Variants in HPSE2 observed in about 807,000 individuals in gnomAD.
HPSE2 encodes heparanase 2 (inactive).
Under a neutral mutation model 60.5 loss-of-function variants are expected in HPSE2, and 38 were observed. That is an observed-to-expected ratio of 0.63 (90% CI 0.48 to 0.82). The LOEUF (loss-of-function observed/expected upper bound fraction) is 0.82. Ranked by LOEUF, HPSE2 falls within the 40% of genes least tolerant of loss-of-function variation. HPSE2 has a pLI of 0.00. For synonymous variants in HPSE2, 295 were observed against 293.2 expected, an observed-to-expected ratio of 1.01 and a Z score of -0.06; for missense variants, 713 against 740.4, an observed-to-expected ratio of 0.96 and a Z score of 0.43.
At chr10:98,851,810 C>T (rs1419608027) in intron 3 of HPSE2, among the ~76,000 whole-genome samples, 1 of 152,114 alleles carries the variant, frequency 6.6e-6, no homozygotes, top group Admixed American at 6.6e-5. Flanking sequence ...ATCTGGAATT[C>T]TTTACACTAC....
chr10:98,495,809 G>A (rs755879096), intron 9 of HPSE2, among the ~76,000 whole-genome samples: 12 of 151,326 alleles, frequency 7.9e-5, no homozygotes, highest in African/African-American at 7.3e-5. Flanking sequence ...TTCATTTAAC[G>A]TCTTCAAGAG....
In HPSE2 at chr10:98,993,794, T is replaced by A. The variant is rs144100263; in HGVS notation, c.610+150444A>T. ...TTCCTGAACAGCATCTCTAACACCA[T>A]CACACTTCCTCCTCACTCTATATTA... On this transcript the variant is annotated intron_variant, in intron 3 of 11. Transcript: ENST00000370552. 1.1e-4 allele frequency among the ~76,000 whole-genome samples: 17 copies of A among 152,276 alleles called. 1 individual carries two copies. In the East Asian group the frequency reaches 3.1e-3, roughly 28 times the overall value.
chr10:98,879,773 T>C (rs540231765), intron 3 of HPSE2, among the ~76,000 whole-genome samples: 1 of 152,030 alleles, frequency 6.6e-6, no homozygotes, highest in Admixed American at 6.6e-5. Flanking sequence ...ATTTGTGGCG[T>C]TGGTGGACCT....
At chr10:98,656,848 G>A (rs938030911) in intron 6 of HPSE2, among the ~76,000 whole-genome samples, 9 of 148,548 alleles carry the variant, frequency 6.1e-5, no homozygotes, top group South Asian at 4.3e-4. Context: ...TGCAACCTCC[G>A]TCTCCCGGAT....
At chr10:99,302,853 T>C in the HPSE2 span, among the ~76,000 whole-genome samples, 6 of 151,124 alleles carry the variant, frequency 4.0e-5, no homozygotes, top group Middle Eastern at 3.4e-3. Context: ...ATCTGTACAA[T>C]ATCGAGGGAC....
chr10:99,075,793 T>G (rs2135558907), intron 3 of HPSE2, among the ~76,000 whole-genome samples: 1 of 152,324 alleles, frequency 6.6e-6, no homozygotes, highest in South Asian at 2.1e-4. Context: ...TTGTCTCTTG[T>G]AACAGTTTAT....
At chr10:98,540,725 A>C (rs530486152) in intron 9 of HPSE2, among the ~76,000 whole-genome samples, 1 of 152,334 alleles carries the variant, frequency 6.6e-6, no homozygotes, top group Admixed American at 6.5e-5. Context: ...AAGGTTAAAC[A>C]GCAAGAAAAT....
At chr10:99,201,913 C>T (rs956574666) in intron 2 of HPSE2, among the ~76,000 whole-genome samples, 1 of 152,134 alleles carries the variant, frequency 6.6e-6, no homozygotes, top group Non-Finnish European at 1.5e-5. Context: ...CGCCATACTC[C>T]ATGGTGGTAA....
chr10:98,622,042 A>G (rs993184712), intron 7 of HPSE2, among the ~76,000 whole-genome samples: 5 of 152,218 alleles, frequency 3.3e-5, no homozygotes, highest in Admixed American at 2.0e-4. Context: ...TCAGGTCTCT[A>G]AAGAGGTAAG....
intron 3 of HPSE2, among the ~76,000 whole-genome samples, chr10:99,058,822 G>T (rs1958171231): frequency 6.6e-6 from 1 of 152,072 alleles, no homozygotes; most frequent in Admixed American, 6.6e-5. Flanking sequence ...AGCTTACTTG[G>T]AAATGGGGGC....
intron 9 of HPSE2, among the ~76,000 whole-genome samples, chr10:98,562,203 A>G (rs1425172245): frequency 7.9e-5 from 12 of 152,312 alleles, no homozygotes; most frequent in African/African-American, 2.9e-4. Context: ...CCTAGGAGCA[A>G]TAGGTTATAT....
At chr10:99,195,860 T>C (rs1225060856) in intron 2 of HPSE2, among the ~76,000 whole-genome samples, 2 of 148,768 alleles carry the variant, frequency 1.3e-5, no homozygotes, top group Non-Finnish European at 3.0e-5. Context: ...AAAAAAATCC[T>C]AAAATTTATA....
intron 3 of HPSE2, among the ~76,000 whole-genome samples, chr10:98,754,731 G>T (rs1949838550): frequency 6.7e-6 from 1 of 148,554 alleles, no homozygotes; most frequent in African/African-American, 2.5e-5. Flanking sequence ...AAAAATTTGG[G>T]GTTAGAATTT....
intron 9 of HPSE2, among the ~76,000 whole-genome samples, chr10:98,576,286 T>C (rs892536363): frequency 2.0e-5 from 3 of 151,850 alleles, no homozygotes; most frequent in Non-Finnish European, 4.4e-5. Context: ...GGGAATCCTG[T>C]AGGCTGGGGA....
chr10:99,084,452 A>G (rs1843252784), intron 3 of HPSE2, among the ~76,000 whole-genome samples: 1 of 152,206 alleles, frequency 6.6e-6, no homozygotes, highest in South Asian at 2.1e-4. Flanking sequence ...CAGGTAGGTC[A>G]AAGTTCCTAA....
chr10:99,269,604 A>G, the HPSE2 span, among the ~76,000 whole-genome samples: 1 of 152,178 alleles, frequency 6.6e-6, no homozygotes, highest in Non-Finnish European at 1.5e-5. Flanking sequence ...CGAGCAAATG[A>G]ACTTAATGTT....
At chr10:99,003,093 T>C (rs995108782) in intron 3 of HPSE2, among the ~76,000 whole-genome samples, 3 of 152,124 alleles carry the variant, frequency 2.0e-5, no homozygotes, top group East Asian at 1.9e-4. Flanking sequence ...TCCACATATA[T>C]ACTATGCAGT....
chr10:98,988,238 C>A (rs1477248522), intron 3 of HPSE2, among the ~76,000 whole-genome samples: 1 of 152,280 alleles, frequency 6.6e-6, no homozygotes, highest in Non-Finnish European at 1.5e-5. Flanking sequence ...TACCTGACTT[C>A]AAACTATACT....
intron 5 of HPSE2, among the ~76,000 whole-genome samples, chr10:98,714,430 A>G (rs1404366848): frequency 6.6e-6 from 1 of 151,922 alleles, no homozygotes; most frequent in Non-Finnish European, 1.5e-5. Context: ...TTGATTTGTG[A>G]CATTTAATAT....
Sources: allele counts gnomAD v4.1 joint callset (sites outside exome capture counted in the v4.1 genomes callset), GRCh38; gene constraint gnomAD v4.1.1; transcripts MANE v1.5; gene names NCBI Gene and HGNC (gene_info 2026-07-23, HGNC 2026-07-21).